The following ZNF714 variants were observed in gnomAD, a reference collection of about 807,000 sequenced individuals.
ZNF714 encodes zinc finger protein 714.
Under a neutral mutation model 46.2 loss-of-function variants are expected in ZNF714, and 32 were observed. That is an observed-to-expected ratio of 0.69 (90% CI 0.52 to 0.93). ZNF714 has a LOEUF of 0.93. Ranked by LOEUF, ZNF714 falls within the 40% of genes least tolerant of loss-of-function variation. The pLI is 0.00. For synonymous variants in ZNF714, 199 were observed against 213.1 expected (o/e 0.93, Z 0.58); for missense variants, 635 against 646.3 (o/e 0.98, Z 0.19).
Position 21,082,225 on chromosome 19 carries a change from G to A in ZNF714, c.-300G>A, listed in dbSNP as rs367638179. ...TTTGTCTCTCGCTGCAGCTGGAGCTGCAGGTCTCGCCTTCACTGCCCTGTG... is the reference window on the plus strand; with the variant it reads ...TTTGTCTCTCGCTGCAGCTGGAGCTACAGGTCTCGCCTTCACTGCCCTGTG... On this transcript the variant is annotated 5_prime_UTR_variant, in exon 1 of 5. Transcript: ENST00000456283. 2.9e-6 allele frequency: 3 copies of A among 1,038,474 alleles called. No individual in the cohort carries two copies. The highest frequency in any genetic ancestry group is 8.2e-5 in the East Asian group (2 of 24,286). The allele number at this position is 1,038,474 out of a possible 1,614,324, so 64.3% of individuals were successfully genotyped here.
chr19:21,110,513 G>C (rs549532307), intron 4 of ZNF714, among the ~76,000 whole-genome samples: 7 of 152,298 alleles, frequency 4.6e-5, no homozygotes, highest in African/African-American at 1.4e-4. Flanking sequence ...CAGATGGATA[G>C]ATTGCAAAAA....
In ZNF714 at chr19:21,118,067, T is replaced by G; in HGVS notation, c.1403T>G (p.Leu468Arg). Residue 468 changes from leucine to arginine, a missense_variant, in exon 5 of 5, where the codon CTT (leucine) becomes CGT (arginine). Leu to Arg is a moderately radical substitution (Grantham distance 102, BLOSUM62 -2). Coordinates refer to ENST00000456283, the MANE Select transcript of ZNF714 (RefSeq NM_182515.4). ...CGKAFNRSSNLTKHNIIHTGE... is the reference protein window; with the variant it reads ...CGKAFNRSSNRTKHNIIHTGE... ...AAAGCTTTCAACCGATCCTCAAACCTTACTAAACATAACATAATTCATACT... is the reference window on the plus strand; with the variant it reads ...AAAGCTTTCAACCGATCCTCAAACCGTACTAAACATAACATAATTCATACT... 6 of 1,613,890 alleles carry G rather than the reference T, an allele frequency of 3.7e-6. No homozygotes were observed. The highest frequency in any genetic ancestry group is 4.2e-6 in the Non-Finnish European group (5 of 1,179,946).
intron 3 of ZNF714, 115 bp downstream of exon 3, chr19:21,098,426 T>C: frequency 1.5e-6 from 2 of 1,303,702 alleles, no homozygotes. Context: ...CTGATCCCAG[T>C]TTTCAAGAAA....
intron 4 of ZNF714, chr19:21,113,240 A>C (rs951512977): frequency 6.6e-5 from 10 of 152,188 alleles, no homozygotes; most frequent in African/African-American, 2.4e-4. Flanking sequence ...TGTGGATGCC[A>C]GCCTCTGATT....
chr19:21,114,435 C>CAA (rs34487712), intron 4 of ZNF714, among the ~76,000 whole-genome samples: 7,691 of 124,590 alleles, frequency 0.062, 310 homozygotes, highest in Non-Finnish European at 0.091. Flanking sequence ...GACTCCATCT[C>CAA]AAAAAAAAAA....
Position 21,117,253 on chromosome 19 carries a change from G to A in ZNF714, c.589G>A (p.Gly197Arg), listed in dbSNP as rs1403824562. ...TACTAGACACAAGAGAGTTCATACT[G>A]GAGAGAAACCCTTCAAATGTGAAGA... ...TLTRHKRVHT[G>R]EKPFKCEECG... Residue 197 changes from glycine to arginine, a missense_variant, in exon 5 of 5, where the codon GGA (glycine) becomes AGA (arginine). Physicochemically the swap from Gly to Arg is moderately radical, Grantham distance 125. Transcript: ENST00000456283. 1 of 1,613,974 alleles carries A rather than the reference G, an allele frequency of 6.2e-7. No individual in the cohort carries two copies. The highest frequency in any genetic ancestry group is 1.1e-5 in the South Asian group (1 of 91,072).
At position 21,085,477 on chromosome 19, in the gene ZNF714, G is replaced by A. The variant is rs990126395; in HGVS notation, c.-85+1408G>A. Among the ~76,000 whole-genome samples, 3 of 152,270 alleles carry A rather than the reference G, an allele frequency of 2.0e-5. No individual in the cohort carries two copies. In the East Asian group the frequency reaches 5.8e-4, roughly 29 times the overall value. On this transcript the variant is annotated intron_variant, in intron 2 of 4. Coordinates refer to ENST00000456283, the MANE Select transcript of ZNF714 (RefSeq NM_182515.4). ...TTTTTTATTGAGGTATAAAATGTAA[G>A]TACCTTAAAATTTCCTTCCCTTATA...
Sources: gnomAD v4.1 joint callset for allele counts (sites outside exome capture counted in the v4.1 genomes callset) on GRCh38, gnomAD v4.1.1 for gene constraint, MANE v1.5 for transcripts, NCBI Gene and HGNC (gene_info 2026-07-23, HGNC 2026-07-21) for gene names.